Variants in ZDHHC23 observed in about 807,000 individuals in gnomAD.
The protein encoded by ZDHHC23 is palmitoyltransferase ZDHHC23.
A neutral mutation model predicts 40.2 loss-of-function variants in ZDHHC23; 41 were observed. The ratio of observed to expected loss-of-function variants is 1.02; its 90% CI spans 0.79 to 1.32. The LOEUF (loss-of-function observed/expected upper bound fraction) is 1.32, where lower values mean the gene tolerates loss of function less well. Among genes scored for constraint, ZDHHC23 ranks in the 40% most tolerant of loss-of-function variants. ZDHHC23 has a pLI of 0.00. For synonymous variants in ZDHHC23, 204 were observed against 210.2 expected, an observed-to-expected ratio of 0.97 and a Z score of 0.26; for missense variants, 471 against 541.5, an observed-to-expected ratio of 0.87 and a Z score of 1.29.
At chr3:113,971,022 A>G in the ZDHHC23 span, among the ~76,000 whole-genome samples, 1 of 152,222 alleles carries the variant, frequency 6.6e-6, no homozygotes, top group East Asian at 1.9e-4. Flanking sequence ...GTGCCGCAAT[A>G]AACATGTGTG....
At chr3:113,966,803 T>A (rs1330728824), downstream of ZDHHC23, among the ~76,000 whole-genome samples, 1 of 151,814 alleles carries the variant, frequency 6.6e-6, no homozygotes, top group Non-Finnish European at 1.5e-5. Flanking sequence ...AGGTACTGCT[T>A]TAAAAAAAGG....
At chr3:113,975,338 C>A in the ZDHHC23 span, among the ~76,000 whole-genome samples, 4 of 152,156 alleles carry the variant, frequency 2.6e-5, no homozygotes, top group African/African-American at 4.8e-5. Context: ...GTCTCTCCTT[C>A]CTTTCATCCA....
chr3:113,970,408 T>C, the ZDHHC23 span, among the ~76,000 whole-genome samples: 2 of 152,012 alleles, frequency 1.3e-5, no homozygotes, highest in African/African-American at 4.8e-5. Flanking sequence ...GATCCTTCCA[T>C]AGTGGCCTCC....
chr3:113,968,364 G>A (rs1057054320), downstream of ZDHHC23, among the ~76,000 whole-genome samples: 1 of 152,004 alleles, frequency 6.6e-6, no homozygotes, highest in Non-Finnish European at 1.5e-5. Flanking sequence ...GTTTTGATTT[G>A]GATTTCTCTG....
rs981142692 is a variant in ZDHHC23, at chr3:113,958,396, T to C, written c.1074T>C (p.Ser358=). The C allele has an allele frequency of 1.2e-5, 19 of 1,614,104 alleles. No individual in the cohort carries two copies. The highest frequency in any genetic ancestry group is 2.7e-5 in the African/African-American group (2 of 74,932). Residue 358 remains serine (S), a synonymous_variant, in exon 5 of 5, where the codon TCT becomes TCC. Coordinates refer to ENST00000638807, the MANE Select transcript of ZDHHC23 (RefSeq NM_001320466.2). ...TGTCCTTCACCTGCGTGTGGTACTC[T>C]GTGATCATCACAGCAGGCATGGCCT... ...SALSFTCVWY[S]VIITAGMAYI...
At chr3:113,975,377 C>T in the ZDHHC23 span, among the ~76,000 whole-genome samples, 10 of 152,166 alleles carry the variant, frequency 6.6e-5, no homozygotes, top group African/African-American at 2.4e-4. Context: ...TTATTTCATT[C>T]ATATAAAATT....
chr3:113,970,335 C>A (rs970636517), downstream of ZDHHC23, among the ~76,000 whole-genome samples: 1 of 151,918 alleles, frequency 6.6e-6, no homozygotes, highest in Non-Finnish European at 1.5e-5. Flanking sequence ...AATTTGGATA[C>A]ATTTTTTTTA....
chr3:113,970,869 C>T, the ZDHHC23 span, among the ~76,000 whole-genome samples: 1 of 152,144 alleles, frequency 6.6e-6, no homozygotes, highest in Non-Finnish European at 1.5e-5. Context: ...TTTCCAGCTT[C>T]ATCCATGTCC....
intron 1 of ZDHHC23, 43 bp from the exon 2 acceptor site, chr3:113,948,643 C>T: frequency 1.3e-6 from 1 of 793,628 alleles, no homozygotes. Context: ...CTGATGAAAA[C>T]GGGACCCCCT....
rs1559851953 is a variant in ZDHHC23 at position 113,959,492 on chromosome 3, G to A, written c.*862G>A. 5.5e-6 allele frequency: 7 copies of A among 1,275,938 alleles called. No individual in the cohort carries two copies. The highest frequency in any genetic ancestry group is 7.2e-6 in the Non-Finnish European group (7 of 977,918). The allele number at this position is 1,275,938 out of a possible 1,614,324, so 79.0% of individuals were successfully genotyped here. A position where few individuals can be genotyped will look rare whatever the true frequency, so the allele number is the denominator to read the frequency against. On this transcript the variant is annotated 3_prime_UTR_variant, in exon 5 of 5. Coordinates refer to ENST00000638807, the MANE Select transcript of ZDHHC23 (RefSeq NM_001320466.2). ...ATAAATAACTCCAACAGGCATTCAT[G>A]TGTTTTTCCTCTTCCCATGTTTCAC...
At chr3:113,978,078 GCT>G in the ZDHHC23 span, 1 of 1,266,992 alleles carries the variant, frequency 7.9e-7, no homozygotes, top group Admixed American at 1.9e-5. Flanking sequence ...GTGTTTCCCC[GCT>G]CTCCTAGCCT....
chr3:113,959,452 C>G lies in ZDHHC23; in HGVS notation c.*822C>G, dbSNP rs1380403395. On this transcript the variant is annotated 3_prime_UTR_variant, in exon 5 of 5. Coordinates refer to ENST00000638807, the MANE Select transcript of ZDHHC23 (RefSeq NM_001320466.2). Reference sequence around the variant, plus strand: ...TTCTTCTATTTATATTTTATAAATTCTGCTTGGGTTTCTTATAAATAACTC... The same window carrying G: ...TTCTTCTATTTATATTTTATAAATTGTGCTTGGGTTTCTTATAAATAACTC... The G allele has an allele frequency of 3.2e-6, 4 of 1,254,440 alleles. No individual in the cohort carries two copies. Among genetic ancestry groups the G allele is most frequent in the Non-Finnish European group, 3.1e-6 (3 of 961,626 alleles). 77.7% of individuals were successfully genotyped at this position (1,254,440 alleles called of 1,614,324 possible). A position where few individuals can be genotyped will look rare whatever the true frequency, so the allele number is the denominator to read the frequency against.
downstream of ZDHHC23, among the ~76,000 whole-genome samples, chr3:113,968,346 G>A (rs146497584): frequency 5.8e-3 from 880 of 152,188 alleles, 10 homozygotes; most frequent in African/African-American, 0.017. Flanking sequence ...AGATGATATC[G>A]CATTGTGGTT....
rs768735998 is a variant in ZDHHC23 at position 113,962,272 on chromosome 3, A to G, written c.*3642A>G. 6.6e-6 allele frequency: 1 copy of G among 152,238 alleles called. No individual in the cohort carries two copies. Among genetic ancestry groups the G allele is most frequent in the Non-Finnish European group, 1.5e-5 (1 of 68,048 alleles). 9.4% of individuals were successfully genotyped at this position (152,238 alleles called of 1,614,324 possible). On this transcript the variant is annotated 3_prime_UTR_variant, in exon 5 of 5. Transcript: ENST00000638807. ...GCTGTGACTAATATAAATTTCTTGC[A>G]GAATCAGCTACACTTAATTATGTTG...
In ZDHHC23 at chr3:113,959,278, CCTT is replaced by C. The variant is rs1026733390; in HGVS notation, c.*652_*654del. The C allele has an allele frequency of 2.1e-5, 23 of 1,083,686 alleles. No homozygotes were observed. In the East Asian group the frequency reaches 1.0e-3, roughly 49 times the overall value. The allele number at this position is 1,083,686 out of a possible 1,614,324, so 67.1% of individuals were successfully genotyped here. A position where few individuals can be genotyped will look rare whatever the true frequency, so the allele number is the denominator to read the frequency against. ...TTGTTGTACAGTTATGAGAATTTCTCCTTCTTATTAGACATGAACTACTCAAAC... is the reference window on the plus strand; with the variant it reads ...TTGTTGTACAGTTATGAGAATTTCTCCTTATTAGACATGAACTACTCAAAC... On this transcript the variant is annotated 3_prime_UTR_variant, in exon 5 of 5. Coordinates refer to ENST00000638807, the MANE Select transcript of ZDHHC23 (RefSeq NM_001320466.2).
intron 4 of ZDHHC23, chr3:113,957,530 C>G (rs11927046): frequency 9.0e-4 from 336 of 375,270 alleles, no homozygotes; most frequent in African/African-American, 5.5e-3. Flanking sequence ...ACTCTCGGTG[C>G]GGAGGCGAGG....
At chr3:113,956,599 A>G (rs1939247675) in intron 4 of ZDHHC23, 93 bp downstream of exon 4, 14 of 1,311,674 alleles carry the variant, frequency 1.1e-5, no homozygotes, top group East Asian at 7.3e-5. Context: ...GGAGTTCTCA[A>G]TCAAAACATA....
chr3:113,978,951 CT>C, the ZDHHC23 span: 45 of 1,614,068 alleles, frequency 2.8e-5, 1 homozygote, highest in East Asian at 3.6e-4. Context: ...CCTGACTACG[CT>C]GGAACCACGT....
chr3:113,970,791 C>T, the ZDHHC23 span, among the ~76,000 whole-genome samples: 1 of 150,746 alleles, frequency 6.6e-6, no homozygotes, highest in South Asian at 2.1e-4. Flanking sequence ...TTGTCCAATT[C>T]CCACCTATGA....
Sources: gnomAD v4.1 joint callset for allele counts (sites outside exome capture counted in the v4.1 genomes callset) on GRCh38, gnomAD v4.1.1 for gene constraint, MANE v1.5 for transcripts, NCBI Gene and HGNC (gene_info 2026-07-23, HGNC 2026-07-21) for gene names.